The following SPECC1 variants were observed in gnomAD, a reference collection of about 807,000 sequenced individuals.
SPECC1 encodes the protein cytospin-B.
A neutral mutation model predicts 104.1 loss-of-function variants in SPECC1; 62 were observed. That is an observed-to-expected ratio of 0.60 (90% CI 0.49 to 0.74). The LOEUF is 0.74. SPECC1 is among the 30% of genes least tolerant of loss of function. The pLI is 0.00. For synonymous variants in SPECC1, 513 were observed against 501.6 expected, an observed-to-expected ratio of 1.02 and a Z score of -0.30; for missense variants, 1,306 against 1,310.5, an observed-to-expected ratio of 1.00 and a Z score of 0.05.
At chr17:20,181,755 G>GA (rs548026606) in intron 3 of SPECC1, among the ~76,000 whole-genome samples, 1 of 150,598 alleles carries the variant, frequency 6.6e-6, no homozygotes, top group African/African-American at 2.4e-5. Flanking sequence ...ATTGGAACGT[G>GA]AAAAAAAAAT....
At chr17:20,119,789 T>C (rs1454802015) in intron 3 of SPECC1, among the ~76,000 whole-genome samples, 1 of 152,214 alleles carries the variant, frequency 6.6e-6, no homozygotes, top group Non-Finnish European at 1.5e-5. Flanking sequence ...TTTACATGCG[T>C]GAAAACGAGG....
intron 1 of SPECC1, among the ~76,000 whole-genome samples, chr17:20,022,612 A>T (rs2044438173): frequency 6.6e-6 from 1 of 152,218 alleles, no homozygotes; most frequent in Non-Finnish European, 1.5e-5. Context: ...CCAGATTCCT[A>T]GTCTCTCTTG....
At chr17:20,292,864 T>C (rs1229842153) in intron 12 of SPECC1, among the ~76,000 whole-genome samples, 1 of 152,212 alleles carries the variant, frequency 6.6e-6, no homozygotes. Context: ...TTATTATGGT[T>C]GTGTGTTGCT....
intron 4 of SPECC1, among the ~76,000 whole-genome samples, chr17:20,220,111 A>T (rs1345157327): frequency 6.6e-6 from 1 of 152,082 alleles, no homozygotes; most frequent in African/African-American, 2.4e-5. Context: ...AGATAATGTG[A>T]TTCTTCCAGT....
intron 3 of SPECC1, among the ~76,000 whole-genome samples, chr17:20,138,637 A>G (rs1158695654): frequency 1.3e-5 from 2 of 152,024 alleles, no homozygotes; most frequent in African/African-American, 4.8e-5. Flanking sequence ...CACCTTTTAT[A>G]TTGGCTTCTT....
chr17:20,259,703 G>A (rs1340719297), intron 11 of SPECC1, among the ~76,000 whole-genome samples: 4 of 151,790 alleles, frequency 2.6e-5, no homozygotes, highest in Non-Finnish European at 5.9e-5. Flanking sequence ...TTAAAGATGG[G>A]GTCTCGCTAT....
chr17:20,164,858 C>T (rs952293438), intron 3 of SPECC1, among the ~76,000 whole-genome samples: 1 of 152,100 alleles, frequency 6.6e-6, no homozygotes, highest in Non-Finnish European at 1.5e-5. Context: ...GACCCCCATT[C>T]GAACGGCCAT....
intron 5 of SPECC1, 32 bp downstream of exon 5, chr17:20,227,652 C>T (rs2038308224): frequency 1.3e-6 from 2 of 1,595,154 alleles, no homozygotes; most frequent in Non-Finnish European, 1.7e-6. Flanking sequence ...TGGTGGCTCA[C>T]ACCTATAATC....
chr17:20,195,507 T>C (rs2035971596), intron 3 of SPECC1, among the ~76,000 whole-genome samples: 1 of 152,050 alleles, frequency 6.6e-6, no homozygotes, highest in Non-Finnish European at 1.5e-5. Flanking sequence ...GATTTTTATA[T>C]CAAATAAGCC....
At chr17:20,298,100 C>T (rs915786135) in intron 13 of SPECC1, among the ~76,000 whole-genome samples, 1 of 152,104 alleles carries the variant, frequency 6.6e-6, no homozygotes, top group African/African-American at 2.4e-5. Context: ...GCCTGTAATC[C>T]CAGTACTTTG....
At chr17:20,259,704 G>A (rs906196289) in intron 11 of SPECC1, among the ~76,000 whole-genome samples, 2 of 151,850 alleles carry the variant, frequency 1.3e-5, no homozygotes, top group African/African-American at 4.8e-5. Flanking sequence ...TAAAGATGGG[G>A]TCTCGCTATG....
chr17:20,089,088 A>G (rs2047297602), intron 1 of SPECC1, among the ~76,000 whole-genome samples: 1 of 152,206 alleles, frequency 6.6e-6, no homozygotes, highest in Admixed American at 6.5e-5. Context: ...AGGAACCCAA[A>G]TGGACTCAGA....
chr17:20,214,839 A>C (rs997068981), intron 4 of SPECC1, among the ~76,000 whole-genome samples: 1 of 152,168 alleles, frequency 6.6e-6, no homozygotes, highest in Non-Finnish European at 1.5e-5. Context: ...GATGTGTAGA[A>C]GGGAGGCTCA....
chr17:20,295,281 T>G (rs1411532653), intron 12 of SPECC1, among the ~76,000 whole-genome samples: 1 of 151,240 alleles, frequency 6.6e-6, no homozygotes, highest in African/African-American at 2.4e-5. Context: ...TTTGGTTTTC[T>G]GTCCTTGTGA....
rs565527721 is a variant in SPECC1, at chr17:20,127,165, C to T, written c.283+16603C>T. 2.6e-5 allele frequency among the ~76,000 whole-genome samples: 4 copies of T among 152,326 alleles called. No individual in the cohort carries two copies. The South Asian group carries it at 8.3e-4, about 32-fold the overall frequency. On this transcript the variant is annotated intron_variant, in intron 3 of 14. Coordinates refer to ENST00000395527, the MANE Select transcript of SPECC1 (RefSeq NM_001243439.2). ...AATTATTTCTTCATGACTTCTTGCT[C>T]AACTTTCATAGCTATCAAATCTTGA...
chr17:20,068,233 T>C (rs2152478518), intron 1 of SPECC1, among the ~76,000 whole-genome samples: 1 of 152,316 alleles, frequency 6.6e-6, no homozygotes, highest in East Asian at 1.9e-4. Flanking sequence ...AGTGCTGGGA[T>C]TATAGGTATG....
intron 1 of SPECC1, among the ~76,000 whole-genome samples, chr17:20,068,221 A>G (rs533560098): frequency 2.0e-5 from 3 of 152,282 alleles, no homozygotes; most frequent in Non-Finnish European, 2.9e-5. Flanking sequence ...TCAGCCTCCC[A>G]AAGTGCTGGG....
intron 7 of SPECC1, among the ~76,000 whole-genome samples, chr17:20,235,961 G>C (rs540136161): frequency 1.3e-5 from 2 of 152,370 alleles, no homozygotes; most frequent in East Asian, 3.9e-4. Context: ...GTGTCAGCCT[G>C]AGTGTCACTG....
intron 12 of SPECC1, among the ~76,000 whole-genome samples, chr17:20,277,237 G>A (rs9896709): frequency 0.71 from 107,769 of 152,074 alleles, 39,983 homozygotes; most frequent in East Asian, 0.99. Flanking sequence ...TGAGCCTCAC[G>A]GTAGCAGGGT....
Sources: allele counts gnomAD v4.1 joint callset (sites outside exome capture counted in the v4.1 genomes callset), GRCh38; gene constraint gnomAD v4.1.1; transcripts MANE v1.5; gene names NCBI Gene and HGNC (gene_info 2026-07-23, HGNC 2026-07-21).